Variants in BRPF3 observed in about 807,000 individuals in gnomAD.
BRPF3 encodes bromodomain and PHD finger containing 3.
In BRPF3, 18 loss-of-function variants were observed where a neutral mutation model predicts 102.0. The observed-to-expected ratio is 0.18, with a 90% CI of 0.12 to 0.26. The LOEUF is 0.26. Ranked by LOEUF, BRPF3 falls within the 10% of genes least tolerant of loss-of-function variation. BRPF3 has a pLI of 1.00. For synonymous variants in BRPF3, 570 were observed against 614.2 expected (o/e 0.93, Z 1.06); for missense variants, 1,147 against 1,567.8 (o/e 0.73, Z 4.53).
intron 11 of BRPF3, 123 bp downstream of exon 11, chr6:36,225,487 G>A (rs1221518449): frequency 1.3e-5 from 11 of 848,348 alleles, no homozygotes; most frequent in South Asian, 1.9e-5. Flanking sequence ...AGGGGAGGGG[G>A]GTTTTGCCCC....
rs1226867630 is a variant in BRPF3 at position 36,210,005 on chromosome 6, A to G, written c.1866+90A>G. ...AGGAAGGAGTTGGGCCACAGGGTGT[A>G]CAAAACCAGGGGTAGGAGGGTGGGT... On this transcript the variant is annotated intron_variant, in intron 5 of 12. Transcript: ENST00000357641. The surrounding 1 kb of genome is among the most constrained non-coding windows in gnomAD (Gnocchi z 4.7). The G allele has an allele frequency of 6.5e-7, 1 of 1,549,304 alleles. No individual in the cohort carries two copies. Among genetic ancestry groups the G allele is most frequent in the Non-Finnish European group, 8.8e-7 (1 of 1,138,756 alleles).
chr6:36,224,178 A>G (rs2127296056), intron 10 of BRPF3, among the ~76,000 whole-genome samples: 1 of 152,358 alleles, frequency 6.6e-6, no homozygotes. Flanking sequence ...CCTGGGCAAC[A>G]TAGTGAGATC....
intron 11 of BRPF3, among the ~76,000 whole-genome samples, chr6:36,226,795 C>A (rs548197559): frequency 1.3e-5 from 2 of 152,370 alleles, no homozygotes; most frequent in South Asian, 4.1e-4. Context: ...CTACTCTACT[C>A]CCTCCTTAGC....
At chr6:36,207,237 G>T in intron 3 of BRPF3, 76 bp from the exon 4 acceptor site, 3 of 1,555,220 alleles carry the variant, frequency 1.9e-6, no homozygotes, top group Non-Finnish European at 2.6e-6. Flanking sequence ...ACCTGCTGCA[G>T]CCCCGTGAGG....
intron 11 of BRPF3, among the ~76,000 whole-genome samples, chr6:36,228,613 G>A (rs950340171): frequency 1.6e-4 from 25 of 152,138 alleles, no homozygotes; most frequent in African/African-American, 5.8e-4. Flanking sequence ...TGGCCTTCCC[G>A]ATGCAAAGCC....
At chr6:36,228,818 G>A in intron 11 of BRPF3, 84 bp from the exon 12 acceptor site, 1 of 1,499,108 alleles carries the variant, frequency 6.7e-7, no homozygotes, top group Non-Finnish European at 9.2e-7. Flanking sequence ...CCTGGTGTGG[G>A]TGCTTCAGCA....
intron 3 of BRPF3, among the ~76,000 whole-genome samples, chr6:36,206,504 A>G (rs1044855739): frequency 1.1e-4 from 16 of 152,296 alleles, no homozygotes; most frequent in African/African-American, 3.9e-4. Flanking sequence ...TATTAGCTGT[A>G]TCCTGGATCT....
Position 36,225,252 on chromosome 6 carries a change from C to A in BRPF3, c.3182-15C>A. ...TCCCCTTTGGGTGCTGTCTCCTCCC[C>A]TCCCCCACCCCCAGGCAGAAGCCTC... On this transcript the variant is annotated splice_polypyrimidine_tract_variant and intron_variant, in intron 10 of 12. Coordinates refer to ENST00000357641, the MANE Select transcript of BRPF3 (RefSeq NM_015695.3). The A allele has an allele frequency of 6.2e-7, 1 of 1,603,028 alleles. No homozygotes were observed.
At chr6:36,207,615 A>G (rs1298860583) in intron 4 of BRPF3, among the ~76,000 whole-genome samples, 171 bp downstream of exon 4, 1 of 152,118 alleles carries the variant, frequency 6.6e-6, no homozygotes, top group Non-Finnish European at 1.5e-5. Flanking sequence ...ATGTGGTGCT[A>G]CTGATGGTTT....
In BRPF3 at chr6:36,210,571, G is replaced by A. The variant is rs1361278969; in HGVS notation, c.2179+43G>A. Reference sequence around the variant, plus strand: ...GTGGGGAGGAGAGGGGCCAGGAGGAGGCACAGGAACAGAGTCTACAGAGTG... The same window carrying A: ...GTGGGGAGGAGAGGGGCCAGGAGGAAGCACAGGAACAGAGTCTACAGAGTG... On this transcript the variant is annotated intron_variant, in intron 6 of 12. Coordinates refer to ENST00000357641, the MANE Select transcript of BRPF3 (RefSeq NM_015695.3). The surrounding 1 kb of genome is among the most constrained non-coding windows in gnomAD (Gnocchi z 4.7). 2.0e-6 allele frequency: 3 copies of A among 1,538,380 alleles called. No individual in the cohort carries two copies. The highest frequency in any genetic ancestry group is 2.2e-5 in the East Asian group (1 of 44,564).
Position 36,209,934 on chromosome 6 carries a change from C to T in BRPF3, c.1866+19C>T. 2 of 1,613,186 alleles carry T rather than the reference C, an allele frequency of 1.2e-6. No individual in the cohort carries two copies. Among genetic ancestry groups the T allele is most frequent in the Non-Finnish European group, 1.7e-6 (2 of 1,179,490 alleles). On this transcript the variant is annotated intron_variant, in intron 5 of 12. Coordinates refer to ENST00000357641, the MANE Select transcript of BRPF3 (RefSeq NM_015695.3). The stretch of plus-strand genomic sequence containing the variant: ...GAGTGAGGCAAGTTCCCCCTACTTT[C>T]CAAGTAGTAAATTCTTCTTGAACTG...
Position 36,201,666 on chromosome 6 carries a change from C to T in BRPF3, c.1344C>T (p.Ser448=). The change falls in exon 2 of 13, where the codon AGC becomes AGT. Residue 448 remains serine (S), a synonymous_variant. Transcript: ENST00000357641. The surrounding 1 kb of genome is among the most constrained non-coding windows in gnomAD (Gnocchi z 5.1). Reference sequence around the variant, plus strand: ...CCCTCAAGGGAGTGCCCAAGAAAAGCAAGATGAGTTTGAAGCAGAAGATCA... The same window carrying T: ...CCCTCAAGGGAGTGCCCAAGAAAAGTAAGATGAGTTTGAAGCAGAAGATCA... The part of the protein sequence containing the change: ...SGSLKGVPKK[S]KMSLKQKIKK... The T allele has an allele frequency of 1.2e-6, 2 of 1,614,196 alleles. No individual in the cohort carries two copies. The highest frequency in any genetic ancestry group is 2.2e-5 in the South Asian group (2 of 91,090).
At chr6:36,204,939 G>A (rs542408683) in intron 3 of BRPF3, 125 bp downstream of exon 3, 63 of 1,315,996 alleles carry the variant, frequency 4.8e-5, no homozygotes, top group Admixed American at 2.1e-4. Context: ...ACCTGTCTGG[G>A]TGGCCTATCC....
At chr6:36,202,420 C>CCG (rs929716879) in intron 2 of BRPF3, among the ~76,000 whole-genome samples, 1 of 142,726 alleles carries the variant, frequency 7.0e-6, no homozygotes, top group African/African-American at 2.6e-5. Context: ...ACCCCCCCCC[C>CCG]CTCCGCCCCC....
intron 11 of BRPF3, among the ~76,000 whole-genome samples, chr6:36,226,454 C>T (rs942109947): frequency 1.3e-5 from 2 of 152,186 alleles, no homozygotes; most frequent in African/African-American, 4.8e-5. Flanking sequence ...TCAGAATAAT[C>T]TGTGGAAATT....
intron 9 of BRPF3, among the ~76,000 whole-genome samples, chr6:36,219,157 C>A (rs911410263): frequency 1.3e-5 from 2 of 152,140 alleles, no homozygotes; most frequent in Non-Finnish European, 2.9e-5. Flanking sequence ...GGCATTCAGT[C>A]TACCTGGGCT....
intron 1 of BRPF3, among the ~76,000 whole-genome samples, chr6:36,199,178 C>T (rs999511901): frequency 4.6e-5 from 7 of 152,168 alleles, no homozygotes; most frequent in South Asian, 2.1e-4. Flanking sequence ...GGCGGGCAAG[C>T]GAGCATTACC....
At chr6:36,217,214 A>T (rs1396787289) in intron 8 of BRPF3, among the ~76,000 whole-genome samples, 1 of 152,200 alleles carries the variant, frequency 6.6e-6, no homozygotes, top group Non-Finnish European at 1.5e-5. Context: ...ACTTCACCAA[A>T]GGAGAGGTCA....
chr6:36,198,670 T>C (rs1767592250), intron 1 of BRPF3, among the ~76,000 whole-genome samples: 1 of 152,232 alleles, frequency 6.6e-6, no homozygotes, highest in Non-Finnish European at 1.5e-5. Flanking sequence ...CTACTTTATA[T>C]AGATGGTAGA....
Sources: gnomAD v4.1 joint callset for allele counts (sites outside exome capture counted in the v4.1 genomes callset) on GRCh38, gnomAD v4.1.1 for gene constraint, Gnocchi (gnomAD v3.1) non-coding constraint, MANE v1.5 for transcripts, NCBI Gene and HGNC (gene_info 2026-07-23, HGNC 2026-07-21) for gene names.